Variants in ITPKC observed in about 807,000 individuals in gnomAD.
ITPKC encodes IP3 3-kinase C.
Under a neutral mutation model 67.1 loss-of-function variants are expected in ITPKC, and 33 were observed. The observed-to-expected ratio is 0.49, with a 90% CI of 0.37 to 0.66. The LOEUF (loss-of-function observed/expected upper bound fraction) is 0.66, where lower values mean the gene tolerates loss of function less well. Ranked by LOEUF, ITPKC falls within the 30% of genes least tolerant of loss-of-function variation. ITPKC has a pLI of 0.00. For synonymous variants in ITPKC, 341 were observed against 359.8 expected, an observed-to-expected ratio of 0.95 and a Z score of 0.59; for missense variants, 820 against 892.1, an observed-to-expected ratio of 0.92 and a Z score of 1.03.
intron 1 of ITPKC, among the ~76,000 whole-genome samples, chr19:40,723,719 A>C (rs1453782190): frequency 1.4e-5 from 2 of 147,752 alleles, no homozygotes; most frequent in African/African-American, 5.0e-5. Context: ...CTGGTCTCAA[A>C]CTCCTGACCT....
chr19:40,722,957 A>G (rs900499537), intron 1 of ITPKC, among the ~76,000 whole-genome samples: 1 of 147,062 alleles, frequency 6.8e-6, no homozygotes, highest in Non-Finnish European at 1.5e-5. Flanking sequence ...TTAATTTTTT[A>G]TTTATTTATT....
chr19:40,729,286 AC>A lies in ITPKC; in HGVS notation c.1343del (p.Pro448ArgfsTer50). The A allele has an allele frequency of 6.2e-7, 1 of 1,614,162 alleles. No homozygotes were observed. The highest frequency in any genetic ancestry group is 8.5e-7 in the Non-Finnish European group (1 of 1,180,028). On this transcript the variant is annotated frameshift_variant, in exon 3 of 7. Transcript: ENST00000263370. LOFTEE classifies it high-confidence loss of function. Reference sequence around the variant, plus strand: ...CGCAGCCTGGAGCAGCTGATGAAAGACCCGCTGCGACCTTTCGTGCCTGCCT... The same window carrying A: ...CGCAGCCTGGAGCAGCTGATGAAAGACCGCTGCGACCTTTCGTGCCTGCCT... ...EQRSLEQLMK[D>X]PLRPFVPAYY...
At position 40,718,182 on chromosome 19, in the gene ITPKC, G is replaced by A; in HGVS notation, c.1047G>A (p.Arg349=). The change falls in exon 1 of 7, where the codon CGG becomes CGA. Residue 349 remains arginine, a synonymous_variant. Coordinates refer to ENST00000263370, the MANE Select transcript of ITPKC (RefSeq NM_025194.3). Reference sequence around the variant, plus strand: ...CCCAGCCAGTGGGACCCCCCTCCCGGGTTGAGGGGGGCAGCGGCGGCTTCT... The same window carrying A: ...CCCAGCCAGTGGGACCCCCCTCCCGAGTTGAGGGGGGCAGCGGCGGCTTCT... ...PEAQPVGPPS[R]VEGGSGGFSS... 1 of 1,584,504 alleles carries A rather than the reference G, an allele frequency of 6.3e-7. No homozygotes were observed. Among genetic ancestry groups the A allele is most frequent in the Non-Finnish European group, 8.6e-7 (1 of 1,166,560 alleles).
chr19:40,737,822 A>C, intron 6 of ITPKC, 53 bp downstream of exon 6: 1 of 1,443,992 alleles, frequency 6.9e-7, no homozygotes, highest in Non-Finnish European at 9.8e-7. Flanking sequence ...GTCCAGGTGC[A>C]TGGAGGGGAA....
At position 40,736,390 on chromosome 19, in the gene ITPKC, A is replaced by G. The variant is rs555033856; in HGVS notation, c.1675-596A>G. On this transcript the variant is annotated intron_variant, in intron 4 of 6. Coordinates refer to ENST00000263370, the MANE Select transcript of ITPKC (RefSeq NM_025194.3). Reference sequence around the variant, plus strand: ...TTCAACCAGGAGGTTCAAGGTTGGAAGGGTGTGGAAGGACTGGGGCTCAGG... The same window carrying G: ...TTCAACCAGGAGGTTCAAGGTTGGAGGGGTGTGGAAGGACTGGGGCTCAGG... 3.9e-5 allele frequency among the ~76,000 whole-genome samples: 6 copies of G among 152,184 alleles called. No individual in the cohort carries two copies. In the South Asian group the frequency reaches 8.3e-4, roughly 21 times the overall value.
At chr19:40,732,570 G>A (rs1400153485) in intron 3 of ITPKC, among the ~76,000 whole-genome samples, 3 of 147,290 alleles carry the variant, frequency 2.0e-5, no homozygotes, top group African/African-American at 7.4e-5. Flanking sequence ...GGCTATGAGA[G>A]TTACCAGCCA....
intron 4 of ITPKC, among the ~76,000 whole-genome samples, chr19:40,736,135 C>T (rs1375901922): frequency 6.6e-6 from 1 of 152,016 alleles, no homozygotes; most frequent in Non-Finnish European, 1.5e-5. Flanking sequence ...ACTAAAAATA[C>T]AAAAAATTAG....
At chr19:40,739,247 C>A in intron 6 of ITPKC, 110 bp from the exon 7 acceptor site, 1 of 743,156 alleles carries the variant, frequency 1.3e-6, no homozygotes, top group Non-Finnish European at 2.2e-6. Flanking sequence ...ATGAATCAGG[C>A]AGCCAGGCTC....
chr19:40,733,574 T>C (rs1466442550), intron 4 of ITPKC, among the ~76,000 whole-genome samples: 3 of 152,138 alleles, frequency 2.0e-5, no homozygotes, highest in Non-Finnish European at 4.4e-5. Flanking sequence ...AGTCCATCTT[T>C]TCCTCCTCTC....
chr19:40,718,141 A>AC lies in ITPKC; in HGVS notation c.1010dup (p.Glu338Ter), dbSNP rs754430086. 1.9e-6 allele frequency: 3 copies of AC among 1,605,474 alleles called. No homozygotes were observed. Among genetic ancestry groups the AC allele is most frequent in the Non-Finnish European group, 2.5e-6 (3 of 1,176,956 alleles). ...GCCCCGCCTCATCATTACCCCTGAG[A>AC]CCCCTGAGCCTGAGGCCCAGCCAGT... On this transcript the variant is annotated frameshift_variant, in exon 1 of 7. Coordinates refer to ENST00000263370, the MANE Select transcript of ITPKC (RefSeq NM_025194.3). LOFTEE classifies it high-confidence loss of function.
intron 1 of ITPKC, among the ~76,000 whole-genome samples, chr19:40,718,959 C>T (rs2082207849): frequency 6.6e-6 from 1 of 152,186 alleles, no homozygotes; most frequent in Non-Finnish European, 1.5e-5. Context: ...CCACCGTCAC[C>T]CCCAGCTTGG....
chr19:40,736,215 A>C (rs1363025074), intron 4 of ITPKC, among the ~76,000 whole-genome samples: 1 of 151,868 alleles, frequency 6.6e-6, no homozygotes, highest in East Asian at 1.9e-4. Flanking sequence ...GCATGAACCC[A>C]GGGGGCGGAG....
At chr19:40,722,294 C>T (rs1273441241) in intron 1 of ITPKC, among the ~76,000 whole-genome samples, 10 of 152,042 alleles carry the variant, frequency 6.6e-5, no homozygotes, top group Non-Finnish European at 2.9e-5. Context: ...AACACCGAGA[C>T]GATAATCTCC....
chr19:40,737,850 G>A (rs1320605837), intron 6 of ITPKC, 81 bp downstream of exon 6: 7 of 1,204,028 alleles, frequency 5.8e-6, no homozygotes, highest in East Asian at 4.7e-5. Context: ...ATGAGTTACA[G>A]GTCAAAGATA....
rs1465666933 is a variant in ITPKC at position 40,718,161 on chromosome 19, GCCAGTGGGACCCCCCT to G, written c.1029_1044del (p.Val344GlyfsTer44). 1 of 1,596,356 alleles carries G rather than the reference GCCAGTGGGACCCCCCT, an allele frequency of 6.3e-7. No individual in the cohort carries two copies. Among genetic ancestry groups the G allele is most frequent in the Non-Finnish European group, 8.5e-7 (1 of 1,171,642 alleles). On this transcript the variant is annotated frameshift_variant, in exon 1 of 7. Transcript: ENST00000263370. LOFTEE classifies it high-confidence loss of function. ...CTGAGACCCCTGAGCCTGAGGCCCA[GCCAGTGGGACCCCCCT>G]CCCGGGTTGAGGGGGGCAGCGGCGG...
At chr19:40,723,172 A>T (rs2144736177) in intron 1 of ITPKC, among the ~76,000 whole-genome samples, 1 of 152,238 alleles carries the variant, frequency 6.6e-6, no homozygotes, top group South Asian at 2.1e-4. Context: ...TGTGTTAGCC[A>T]GGATGGTCTC....
intron 3 of ITPKC, among the ~76,000 whole-genome samples, chr19:40,731,551 C>T (rs984037434): frequency 6.6e-6 from 1 of 151,466 alleles, no homozygotes; most frequent in Admixed American, 6.6e-5. Flanking sequence ...CTCCAGGAAC[C>T]TCCACAGGGT....
At chr19:40,724,251 A>G (rs141930030) in intron 1 of ITPKC, among the ~76,000 whole-genome samples, 1 of 152,166 alleles carries the variant, frequency 6.6e-6, no homozygotes, top group Non-Finnish European at 1.5e-5. Context: ...GTAGCTGGGC[A>G]TGGTGGCACA....
At chr19:40,722,668 G>C (rs1419323039) in intron 1 of ITPKC, among the ~76,000 whole-genome samples, 1 of 152,204 alleles carries the variant, frequency 6.6e-6, no homozygotes, top group Non-Finnish European at 1.5e-5. Context: ...ATTCCTGTGT[G>C]TGTATGTGTT....
Sources: gnomAD v4.1 joint callset for allele counts (sites outside exome capture counted in the v4.1 genomes callset) on GRCh38, gnomAD v4.1.1 for gene constraint, MANE v1.5 for transcripts, NCBI Gene and HGNC (gene_info 2026-07-23, HGNC 2026-07-21) for gene names.